Variants in MICA observed in about 807,000 individuals in gnomAD.
The protein encoded by MICA is HLA class I antigen.
A neutral mutation model predicts 34.3 loss-of-function variants in MICA; 18 were observed. That is an observed-to-expected ratio of 0.52 (90% CI 0.36 to 0.78). The LOEUF is 0.78. Ranked by LOEUF, MICA falls within the 30% of genes least tolerant of loss-of-function variation. The pLI, the probability that MICA is intolerant of heterozygous loss-of-function variation, is 0.00. For synonymous variants in MICA, 135 were observed against 156.9 expected, an observed-to-expected ratio of 0.86 and a Z score of 1.04; for missense variants, 333 against 409.4, an observed-to-expected ratio of 0.81 and a Z score of 1.61.
At chr6:31,402,444 C>T (rs1770481844), upstream of MICA, among the ~76,000 whole-genome samples, 1 of 151,844 alleles carries the variant, frequency 6.6e-6, no homozygotes, top group African/African-American at 2.4e-5. Context: ...CAGATTGTGG[C>T]AGCTGAGGTT....
At chr6:31,410,074 G>T (rs6915999) in intron 1 of MICA, among the ~76,000 whole-genome samples, 9 of 150,970 alleles carry the variant, frequency 6.0e-5, no homozygotes, top group Admixed American at 5.3e-4. Context: ...CCTTGTCCCC[G>T]CCATGCCCAT....
At chr6:31,414,808 C>T (rs3749950) in intron 5 of MICA, among the ~76,000 whole-genome samples, 3 of 151,422 alleles carry the variant, frequency 2.0e-5, no homozygotes, top group South Asian at 2.1e-4. Context: ...GCACAGGGCA[C>T]GGGCTGATGT....
At chr6:31,412,603 G>GATA in intron 5 of MICA, 143 bp downstream of exon 5, 4 of 623,322 alleles carry the variant, frequency 6.4e-6, no homozygotes, top group South Asian at 2.2e-5. Context: ...GGAAGGGAAT[G>GATA]GGGGCAGCAT....
At position 31,412,088 on chromosome 6, in the gene MICA, A is replaced by G. The variant is rs781219985; in HGVS notation, c.755A>G (p.Gln252Arg). Residue 252 changes from glutamine to arginine, a missense_variant, in exon 4 of 6, where the codon CAG becomes CGG. Coordinates refer to ENST00000449934, the MANE Select transcript of MICA (RefSeq NM_001177519.3). ...DGVSLSHDTQ[Q>R]WGDVLPDGNG... ...GTATCTTTGAGCCACGACACCCAGC[A>G]GTGGGGGGATGTCCTGCCTGATGGG... 1.2e-6 allele frequency: 2 copies of G among 1,613,214 alleles called. No individual in the cohort carries two copies. The highest frequency in any genetic ancestry group is 1.7e-6 in the Non-Finnish European group (2 of 1,179,940).
chr6:31,405,151 T>C (rs1268668658), intron 1 of MICA, among the ~76,000 whole-genome samples: 1 of 145,270 alleles, frequency 6.9e-6, no homozygotes, highest in Non-Finnish European at 1.5e-5. Context: ...GCTCTGCCCA[T>C]CTCCCCTCCC....
Position 31,411,349 on chromosome 6 carries a change from G to A in MICA, c.603G>A (p.Leu201=), listed in dbSNP as rs752224163. The change falls in exon 3 of 6, where the codon CTG becomes CTA. Residue 201 remains leucine, a synonymous_variant. Transcript: ENST00000449934. The surrounding 1 kb of genome is among the most constrained non-coding windows in gnomAD (Gnocchi z 4.3). ...GATATCTAGAATCCGGCGTAGTCCT[G>A]AGGAGAACAGGTACCGACGCTGGCC... is the stretch of plus-strand genomic sequence containing the variant. The part of the protein sequence containing the change: ...LRRYLESGVV[L]RRTVPPMVNV... 5.7e-6 allele frequency: 9 copies of A among 1,567,582 alleles called. No homozygotes were observed. In the African/African-American group the frequency reaches 9.6e-5, roughly 17 times the overall value.
chr6:31,415,289 G>C lies in MICA; in HGVS notation c.*307G>C, dbSNP rs1771460203. 2.0e-6 allele frequency: 1 copy of C among 505,800 alleles called. No individual in the cohort carries two copies. Among genetic ancestry groups the C allele is most frequent in the African/African-American group, 2.0e-5 (1 of 50,300 alleles). 31.3% of individuals were successfully genotyped at this position (505,800 alleles called of 1,614,324 possible). A position where few individuals can be genotyped will look rare whatever the true frequency, so the allele number is the denominator to read the frequency against. ...GAGGCTGCAAAATGTTAGTAGATAT[G>C]AGGCATTTGCAGCTGTGCCATATTA... On this transcript the variant is annotated 3_prime_UTR_variant, in exon 6 of 6. Coordinates refer to ENST00000449934, the MANE Select transcript of MICA (RefSeq NM_001177519.3).
At position 31,403,728 on chromosome 6, in the gene MICA, G is replaced by C; in HGVS notation, c.70+26G>C. On this transcript the variant is annotated intron_variant, in intron 1 of 5. Transcript: ENST00000449934. The surrounding 1 kb of genome is among the most constrained non-coding windows in gnomAD (Gnocchi z 4.7). The stretch of plus-strand genomic sequence containing the variant: ...GTGAGTGGCGTTCCTGGCGGTCCTC[G>C]GCGGAGCGGGAGCAGTGGGACGTTT... The C allele has an allele frequency of 7.9e-6, 12 of 1,525,700 alleles. No homozygotes were observed. The highest frequency in any genetic ancestry group is 1.2e-5 in the South Asian group (1 of 82,392). 94.5% of individuals were successfully genotyped at this position (1,525,700 alleles called of 1,614,324 possible).
chr6:31,403,706 AGT>A lies in MICA; in HGVS notation c.70+6_70+7del, dbSNP rs1314099192. The A allele has an allele frequency of 2.0e-6, 3 of 1,527,652 alleles. No homozygotes were observed. The highest frequency in any genetic ancestry group is 2.6e-6 in the Non-Finnish European group (3 of 1,139,110). 94.6% of individuals were successfully genotyped at this position (1,527,652 alleles called of 1,614,324 possible). ...GCACCTCCGGGAGCTGCTGCTGGTG[AGT>A]GGCGTTCCTGGCGGTCCTCGGCGGA... On this transcript the variant is annotated splice_donor_5th_base_variant and intron_variant, in intron 1 of 5. Transcript: ENST00000449934. The surrounding 1 kb of genome is among the most constrained non-coding windows in gnomAD (Gnocchi z 4.7).
rs1199373713 is a variant in MICA at position 31,412,112 on chromosome 6, G to A, written c.779G>A (p.Gly260Glu). Residue 260 changes from glycine (G) to glutamate (E), a missense_variant, in exon 4 of 6, where the codon GGG becomes GAG. Coordinates refer to ENST00000449934, the MANE Select transcript of MICA (RefSeq NM_001177519.3). ...CAGTGGGGGGATGTCCTGCCTGATG[G>A]GAATGGAACCTACCAGACCTGGGTG... ...TQQWGDVLPD[G>E]NGTYQTWVAT... is the part of the protein sequence containing the mutation. 3 of 1,613,134 alleles carry A rather than the reference G, an allele frequency of 1.9e-6. No homozygotes were observed. The South Asian group carries it at 3.3e-5, about 18-fold the overall frequency.
chr6:31,411,364 C>G lies in MICA; in HGVS notation c.613+5C>G, dbSNP rs2256026. On this transcript the variant is annotated splice_donor_5th_base_variant and intron_variant, in intron 3 of 5. Transcript: ENST00000449934. The surrounding 1 kb of genome is among the most constrained non-coding windows in gnomAD (Gnocchi z 4.3). ...GCGTAGTCCTGAGGAGAACAGGTAC[C>G]GACGCTGGCCAGGGGCTCTCCTCTC... is the stretch of plus-strand genomic sequence containing the variant. 253,189 of 1,551,594 alleles carry G rather than the reference C, an allele frequency of 0.16. 24,207 individuals carry two copies. The highest frequency in any genetic ancestry group is 0.39 in the Middle Eastern group (2,307 of 5,980).
At chr6:31,405,238 G>C (rs1417949641) in intron 1 of MICA, among the ~76,000 whole-genome samples, 2 of 151,042 alleles carry the variant, frequency 1.3e-5, no homozygotes, top group African/African-American at 4.9e-5. Context: ...CTTGACCCCA[G>C]TGGGCTCTCA....
intron 2 of MICA, 83 bp from the exon 3 acceptor site, chr6:31,410,989 G>T (rs1413716580): frequency 1.3e-6 from 2 of 1,484,150 alleles, no homozygotes; most frequent in Non-Finnish European, 9.0e-7. Flanking sequence ...GGCCAGGGAG[G>T]CATACCCCCT....
intron 5 of MICA, among the ~76,000 whole-genome samples, chr6:31,414,619 G>A (rs1771406406): frequency 1.3e-5 from 2 of 152,028 alleles, no homozygotes; most frequent in Non-Finnish European, 2.9e-5. Flanking sequence ...GCCCTGGTGT[G>A]TAGGTGCCTC....
rs1352250501 is a variant in MICA at position 31,411,131 on chromosome 6, A to G, written c.385A>G (p.Ser129Gly). The G allele has an allele frequency of 6.2e-7, 1 of 1,611,366 alleles. No homozygotes were observed. The highest frequency in any genetic ancestry group is 8.5e-7 in the Non-Finnish European group (1 of 1,179,336). Residue 129 changes from serine (S) to glycine (G), a missense_variant, in exon 3 of 6, where the codon AGC becomes GGC. Transcript: ENST00000449934. The surrounding 1 kb of genome is among the most constrained non-coding windows in gnomAD (Gnocchi z 4.3). ...CEIHEDNSTR[S>G]SQHFYYDGEL... ...GATCCATGAAGACAACAGCACCAGGAGCTCCCAGCATTTCTACTACGATGG... is the reference window on the plus strand; with the variant it reads ...GATCCATGAAGACAACAGCACCAGGGGCTCCCAGCATTTCTACTACGATGG...
chr6:31,403,250 G>T (rs1300381721), upstream of MICA, among the ~76,000 whole-genome samples: 1 of 151,964 alleles, frequency 6.6e-6, no homozygotes, highest in African/African-American at 2.4e-5. The surrounding 1 kb of genome is among the most constrained non-coding windows in gnomAD (Gnocchi z 4.7). Flanking sequence ...AAGGGGCTTG[G>T]TGAGGCCCGC....
Position 31,415,281 on chromosome 6 carries a change from G to C in MICA, c.*299G>C. On this transcript the variant is annotated 3_prime_UTR_variant, in exon 6 of 6. Transcript: ENST00000449934. ...TGTTGTTGGAGGCTGCAAAATGTTA[G>C]TAGATATGAGGCATTTGCAGCTGTG... is the stretch of plus-strand genomic sequence containing the variant. 1.9e-6 allele frequency: 1 copy of C among 517,358 alleles called. No individual in the cohort carries two copies. The highest frequency in any genetic ancestry group is 2.0e-5 in the African/African-American group (1 of 50,796). 32.0% of individuals were successfully genotyped at this position (517,358 alleles called of 1,614,324 possible).
At position 31,410,416 on chromosome 6, in the gene MICA, C is replaced by T. The variant is rs1429386422; in HGVS notation, c.71-127C>T. 6.5e-6 allele frequency: 8 copies of T among 1,231,768 alleles called. 1 individual carries two copies. The highest frequency in any genetic ancestry group is 2.9e-4 in the Middle Eastern group (1 of 3,464). The allele number at this position is 1,231,768 out of a possible 1,614,324, so 76.3% of individuals were successfully genotyped here. ...CAGTTTTCTTTGTATATGAAATCCT[C>T]GTTCTTGTCCCTTTGCCCGTGTGCA... is the stretch of plus-strand genomic sequence containing the variant. On this transcript the variant is annotated intron_variant, in intron 1 of 5. Transcript: ENST00000449934.
Position 31,410,655 on chromosome 6 carries a change from G to A in MICA, c.183G>A (p.Arg61=), listed in dbSNP as rs141297995. The A allele has an allele frequency of 1.9e-6, 3 of 1,613,454 alleles. No individual in the cohort carries two copies. The highest frequency in any genetic ancestry group is 2.5e-6 in the Non-Finnish European group (3 of 1,180,024). ...GTCAGCCCTTCCTGCGCTATGACAGGCAGAAATGCAGGGCAAAGCCCCAGG... is the reference window on the plus strand; with the variant it reads ...GTCAGCCCTTCCTGCGCTATGACAGACAGAAATGCAGGGCAAAGCCCCAGG... ...LDGQPFLRYD[R]QKCRAKPQGQ... Residue 61 remains arginine (R), a synonymous_variant, in exon 2 of 6, where the codon AGG becomes AGA. Transcript: ENST00000449934.
Sources: allele counts gnomAD v4.1 joint callset (sites outside exome capture counted in the v4.1 genomes callset), GRCh38; gene constraint gnomAD v4.1.1; non-coding constraint Gnocchi (gnomAD v3.1); transcripts MANE v1.5; gene names NCBI Gene and HGNC (gene_info 2026-07-23, HGNC 2026-07-21).